Variants in ALG14 observed in about 807,000 individuals in gnomAD.
ALG14 encodes UDP-N-acetylglucosamine transferase subunit ALG14.
A neutral mutation model predicts 22.8 loss-of-function variants in ALG14; 17 were observed. The ratio of observed to expected loss-of-function variants is 0.75; its 90% CI spans 0.51 to 1.12. ALG14 has a LOEUF of 1.12. ALG14 is among the 50% of genes most tolerant of loss of function. ALG14 has a pLI of 0.00. For missense variants in ALG14, 288 were observed against 271.8 expected (o/e 1.06, Z -0.42); for synonymous variants, 89 against 103.7 (o/e 0.86, Z 0.86).
chr1:95,042,234 A>G (rs982508479), intron 2 of ALG14, among the ~76,000 whole-genome samples: 48 of 151,942 alleles, frequency 3.2e-4, no homozygotes, highest in African/African-American at 1.0e-3. Flanking sequence ...CCAACACTCT[A>G]TCTCACAGAG....
rs139521179 is a variant in ALG14 at position 95,072,786 on chromosome 1, C to A, written c.113G>T (p.Ser38Ile). The A allele has an allele frequency of 3.1e-3, 4,961 of 1,614,186 alleles. 7 individuals are homozygous for A. Among genetic ancestry groups the A allele is most frequent in the Non-Finnish European group, 3.9e-3 (4,639 of 1,180,030 alleles). Residue 38 changes from serine (S) to isoleucine (I), a missense_variant, in exon 1 of 4, where the codon AGT becomes ATT. Ser to Ile is a moderately radical substitution (Grantham distance 142). Transcript: ENST00000370205. ...SMDVTPRESL[S>I]ILVVAGSGGH... is the part of the protein sequence containing the mutation. ...ACCGGACCCAGCCACTACCAAGATA[C>A]TGAGAGACTCCCGGGGCGTAACGTC...
At chr1:95,025,427 G>A (rs1673783387) in intron 3 of ALG14, among the ~76,000 whole-genome samples, 1 of 152,192 alleles carries the variant, frequency 6.6e-6, no homozygotes, top group African/African-American at 2.4e-5. Flanking sequence ...AGGATTTTCA[G>A]AATGGTAAAT....
chr1:95,041,727 TAC>T (rs1674386700), intron 2 of ALG14: 1 of 152,156 alleles, frequency 6.6e-6, no homozygotes, highest in African/African-American at 2.4e-5. Flanking sequence ...CAGCAAGCTG[TAC>T]ACAGTCTCAG....
intron 3 of ALG14, among the ~76,000 whole-genome samples, chr1:94,996,180 T>C (rs1399196937): frequency 6.6e-6 from 1 of 152,204 alleles, no homozygotes; most frequent in Admixed American, 6.5e-5. Flanking sequence ...TTAACAGAAA[T>C]GTAGATTCTT....
chr1:95,002,337 G>A (rs997009965), intron 3 of ALG14, among the ~76,000 whole-genome samples: 2 of 151,782 alleles, frequency 1.3e-5, no homozygotes, highest in African/African-American at 4.8e-5. Flanking sequence ...AGGCAGCCTC[G>A]CCTTAAGTTG....
In ALG14 at chr1:94,982,924, ACT is replaced by A; in HGVS notation, c.*150_*151del. The A allele has an allele frequency of 3.1e-6, 2 of 645,426 alleles. No homozygotes were observed. Among genetic ancestry groups the A allele is most frequent in the African/African-American group, 1.8e-5 (1 of 54,672 alleles). 40.0% of individuals were successfully genotyped at this position (645,426 alleles called of 1,614,324 possible). A position where few individuals can be genotyped will look rare whatever the true frequency, so the allele number is the denominator to read the frequency against. On this transcript the variant is annotated 3_prime_UTR_variant, in exon 4 of 4. Coordinates refer to ENST00000370205, the MANE Select transcript of ALG14 (RefSeq NM_144988.4). ...TCATAAGAGAAGCCTCAGTTTCTTC[ACT>A]GAGTCATCTGTACATTTTTTATTCC...
At chr1:95,017,133 C>A (rs1157610104) in intron 3 of ALG14, among the ~76,000 whole-genome samples, 2 of 152,112 alleles carry the variant, frequency 1.3e-5, no homozygotes, top group Admixed American at 1.3e-4. Context: ...AAAGACAAGG[C>A]AGGAGGCCCT....
At chr1:95,024,051 T>G (rs1035688868) in intron 3 of ALG14, among the ~76,000 whole-genome samples, 23 of 152,172 alleles carry the variant, frequency 1.5e-4, no homozygotes, top group African/African-American at 5.1e-4. Flanking sequence ...TCTCACAAAT[T>G]AACTTTTCTA....
At chr1:95,003,028 G>A (rs1280861926) in intron 3 of ALG14, among the ~76,000 whole-genome samples, 2 of 152,146 alleles carry the variant, frequency 1.3e-5, no homozygotes, top group African/African-American at 4.8e-5. Context: ...ACATTTACTA[G>A]CTGAAAACAG....
At chr1:95,058,681 T>G (rs1571668393) in intron 2 of ALG14, among the ~76,000 whole-genome samples, 1 of 126,576 alleles carries the variant, frequency 7.9e-6, no homozygotes, top group Non-Finnish European at 1.6e-5. Flanking sequence ...ACCGTCCATA[T>G]AACCTTTCTC....
intron 3 of ALG14, among the ~76,000 whole-genome samples, chr1:94,997,115 C>A (rs185899721): frequency 6.6e-6 from 1 of 152,210 alleles, no homozygotes; most frequent in Admixed American, 6.5e-5. Context: ...ATATCCCCTG[C>A]CACTTAAGGT....
chr1:95,061,364 A>G (rs1003301939), intron 2 of ALG14, among the ~76,000 whole-genome samples: 3 of 152,212 alleles, frequency 2.0e-5, no homozygotes, highest in African/African-American at 2.4e-5. Flanking sequence ...GCTGAATGAT[A>G]GCAAGCAGAT....
chr1:95,040,881 G>A (rs1674357132), intron 2 of ALG14, among the ~76,000 whole-genome samples: 2 of 152,156 alleles, frequency 1.3e-5, no homozygotes, highest in South Asian at 2.1e-4. Flanking sequence ...TTACCACAAG[G>A]TTGAAATAAC....
chr1:94,987,718 G>A (rs12070105), intron 3 of ALG14, among the ~76,000 whole-genome samples: 3,389 of 152,256 alleles, frequency 0.022, 131 homozygotes, highest in African/African-American at 0.078. Flanking sequence ...TTTAACTTGA[G>A]TAGTCTGAAT....
chr1:94,985,914 C>T (rs1672628868), intron 3 of ALG14, among the ~76,000 whole-genome samples: 1 of 150,928 alleles, frequency 6.6e-6, no homozygotes, highest in Non-Finnish European at 1.5e-5. Flanking sequence ...GCAAACTAAT[C>T]TCAAAGGAAA....
At chr1:95,032,717 C>T (rs1486183233) in intron 2 of ALG14, among the ~76,000 whole-genome samples, 1 of 152,136 alleles carries the variant, frequency 6.6e-6, no homozygotes, top group African/African-American at 2.4e-5. Context: ...GCTATGCTGC[C>T]AGGCAGTCAA....
chr1:95,065,107 T>TG, intron 1 of ALG14, 90 bp from the exon 2 acceptor site: 1 of 1,153,634 alleles, frequency 8.7e-7, no homozygotes, highest in Admixed American at 2.9e-5. Flanking sequence ...GGTTTCAGGT[T>TG]GGGGGTGGGG....
At chr1:95,068,355 C>T (rs926608761) in intron 1 of ALG14, among the ~76,000 whole-genome samples, 2 of 152,146 alleles carry the variant, frequency 1.3e-5, no homozygotes, top group Non-Finnish European at 2.9e-5. Context: ...GGCGTGATCT[C>T]GGCTCACGGC....
At chr1:95,016,232 CAG>C (rs1673490992) in intron 3 of ALG14, among the ~76,000 whole-genome samples, 1 of 152,120 alleles carries the variant, frequency 6.6e-6, no homozygotes, top group Non-Finnish European at 1.5e-5. Flanking sequence ...GTTGTGTGGT[CAG>C]AGAGCTGAAC....
Sources: allele counts gnomAD v4.1 joint callset (sites outside exome capture counted in the v4.1 genomes callset), GRCh38; gene constraint gnomAD v4.1.1; transcripts MANE v1.5; gene names NCBI Gene and HGNC (gene_info 2026-07-23, HGNC 2026-07-21).